Variants in ULBP2 observed in about 807,000 individuals in gnomAD.
ULBP2 encodes the protein UL16 binding protein 2.
A neutral mutation model predicts 23.6 loss-of-function variants in ULBP2; 21 were observed. The ratio of observed to expected loss-of-function variants is 0.89; its 90% CI spans 0.63 to 1.28. The LOEUF (loss-of-function observed/expected upper bound fraction) is 1.28. Ranked by LOEUF, ULBP2 falls within the 50% of genes most tolerant of loss-of-function variation. The pLI is 0.00. For synonymous variants in ULBP2, 82 were observed against 112.8 expected (o/e 0.73, Z 1.73); for missense variants, 251 against 306.0 (o/e 0.82, Z 1.34).
rs1278604323 is a variant in ULBP2 at position 149,949,183 on chromosome 6, G to A, written c.*483G>A. 6.4e-6 allele frequency: 1 copy of A among 155,934 alleles called. No individual in the cohort carries two copies. The highest frequency in any genetic ancestry group is 1.4e-5 in the Non-Finnish European group (1 of 70,726). 9.7% of individuals were successfully genotyped at this position (155,934 alleles called of 1,614,324 possible). A position where few individuals can be genotyped will look rare whatever the true frequency, so the allele number is the denominator to read the frequency against. On this transcript the variant is annotated 3_prime_UTR_variant, in exon 5 of 5. Transcript: ENST00000367351. ...TTTATATTAATGATTGTTTCCTTTAGTAATTTATTGTTCTGTACTGATATT... is the reference window on the plus strand; with the variant it reads ...TTTATATTAATGATTGTTTCCTTTAATAATTTATTGTTCTGTACTGATATT...
chr6:149,946,443 T>C lies in ULBP2; in HGVS notation c.421T>C (p.Phe141Leu). 2 of 1,614,122 alleles carry C rather than the reference T, an allele frequency of 1.2e-6. No homozygotes were observed. The highest frequency in any genetic ancestry group is 2.2e-5 in the South Asian group (2 of 91,076). ...AEGHSSGSWQFSFDGQIFLLF... is the reference protein window; with the variant it reads ...AEGHSSGSWQLSFDGQIFLLF... ...AGGACACAGCAGTGGATCTTGGCAG[T>C]TCAGTTTCGATGGGCAGATCTTCCT... Residue 141 changes from phenylalanine to leucine, a missense_variant, in exon 3 of 5, where the codon TTC becomes CTC. Transcript: ENST00000367351.
chr6:149,942,465 C>T (rs1217757738), intron 1 of ULBP2, among the ~76,000 whole-genome samples: 1 of 152,042 alleles, frequency 6.6e-6, no homozygotes, highest in Non-Finnish European at 1.5e-5. Context: ...CACCCGCCCT[C>T]GGGAAGGAAA....
chr6:149,943,493 G>T (rs888446922), intron 1 of ULBP2, among the ~76,000 whole-genome samples: 1 of 152,164 alleles, frequency 6.6e-6, no homozygotes, highest in Non-Finnish European at 1.5e-5. Flanking sequence ...TGGGGATCGG[G>T]TCCAACTGCT....
At chr6:149,947,960 G>C (rs1451389391) in intron 4 of ULBP2, among the ~76,000 whole-genome samples, 1 of 152,252 alleles carries the variant, frequency 6.6e-6, no homozygotes, top group Non-Finnish European at 1.5e-5. Flanking sequence ...TGAAAAGGAG[G>C]GAGTGCAGGG....
At chr6:149,942,493 C>T (rs1246996853) in intron 1 of ULBP2, among the ~76,000 whole-genome samples, 2 of 152,088 alleles carry the variant, frequency 1.3e-5, no homozygotes, top group Non-Finnish European at 2.9e-5. Flanking sequence ...GCCCCCGGAA[C>T]CGGAGCTGGG....
intron 2 of ULBP2, among the ~76,000 whole-genome samples, chr6:149,945,898 G>A (rs1778931265): frequency 7.2e-6 from 1 of 139,276 alleles, no homozygotes; most frequent in African/African-American, 2.9e-5. Flanking sequence ...CCGAGGTGGT[G>A]CCACTGCACT....
At chr6:149,945,940 CAA>C (rs57354290) in intron 2 of ULBP2, among the ~76,000 whole-genome samples, 4,368 of 70,696 alleles carry the variant, frequency 0.062, 67 homozygotes, top group East Asian at 0.32. Context: ...GACTTTGTCT[CAA>C]AAAAAAAAAA....
chr6:149,942,213 A>C (rs1315518722), intron 1 of ULBP2, 56 bp downstream of exon 1: 3 of 1,564,914 alleles, frequency 1.9e-6, no homozygotes, highest in Non-Finnish European at 2.6e-6. Flanking sequence ...AGGGCTGTGA[A>C]CTGCCGCGGG....
At chr6:149,945,109 TTCCTCC>T (rs1275730541) in intron 1 of ULBP2, among the ~76,000 whole-genome samples, 194 bp from the exon 2 acceptor site, 6 of 150,084 alleles carry the variant, frequency 4.0e-5, no homozygotes, top group Admixed American at 6.6e-5. Context: ...AGACAGAGAC[TTCCTCC>T]TCCTCCTCCT....
At chr6:149,946,783 G>A (rs938612994) in intron 3 of ULBP2, 130 bp downstream of exon 3, 646 of 1,486,876 alleles carry the variant, frequency 4.3e-4, no homozygotes, top group Non-Finnish European at 5.4e-4. Context: ...CTCGTGGGGC[G>A]CTCCTCCTGG....
In ULBP2 at chr6:149,946,648, C is replaced by T; in HGVS notation, c.626C>T (p.Ala209Val). 6.2e-7 allele frequency: 1 copy of T among 1,612,854 alleles called. No individual in the cohort carries two copies. Among genetic ancestry groups the T allele is most frequent in the South Asian group, 1.1e-5 (1 of 90,960 alleles). Reference sequence around the variant, plus strand: ...ATGGACAGCACCCTGGAGCCAAGTGCAGGAGGTAACAGGAGAAAAAGAAAC... The same window carrying T: ...ATGGACAGCACCCTGGAGCCAAGTGTAGGAGGTAACAGGAGAAAAAGAAAC... Reference protein sequence around the residue: ...MGMDSTLEPSAGAPLAMSSGT... With the variant: ...MGMDSTLEPSVGAPLAMSSGT... The change falls in exon 3 of 5, where the codon GCA becomes GTA. Residue 209 changes from alanine to valine, a missense_variant. By Grantham distance (64) the Ala-to-Val change is moderately conservative. Coordinates refer to ENST00000367351, the MANE Select transcript of ULBP2 (RefSeq NM_025217.4).
rs532853888 is a variant in ULBP2 at position 149,946,557 on chromosome 6, G to C, written c.535G>C (p.Ala179Pro). Residue 179 changes from alanine to proline, a missense_variant, in exon 3 of 5, where the codon GCC becomes CCC. Around this residue, in one of 2 missense-constraint regions of ULBP2, gnomAD observed 248 missense variants for 258.9 expected, o/e 0.96. Coordinates refer to ENST00000367351, the MANE Select transcript of ULBP2 (RefSeq NM_025217.4). ...KEKWENDKVV[A>P]MSFHYFSMGD... is the part of the protein sequence containing the mutation. ...AAAGTGGGAGAATGACAAGGTTGTG[G>C]CCATGTCCTTCCATTACTTCTCAAT... is the stretch of plus-strand genomic sequence containing the variant. 1 of 1,614,186 alleles carries C rather than the reference G, an allele frequency of 6.2e-7. No individual in the cohort carries two copies. The highest frequency in any genetic ancestry group is 8.5e-7 in the Non-Finnish European group (1 of 1,180,038).
chr6:149,948,276 G>A (rs1027469094), intron 4 of ULBP2, among the ~76,000 whole-genome samples: 4 of 152,170 alleles, frequency 2.6e-5, no homozygotes, highest in African/African-American at 7.2e-5. Context: ...CACCTTCAGA[G>A]CAATGGGTGC....
chr6:149,947,264 G>A (rs1003682778), intron 3 of ULBP2, 56 bp from the exon 4 acceptor site: 49 of 1,287,644 alleles, frequency 3.8e-5, no homozygotes, highest in Middle Eastern at 1.9e-4. Flanking sequence ...CTGAGGAGGT[G>A]TCTCCTCAGA....
chr6:149,946,768 ACCT>A, intron 3 of ULBP2, 115 bp downstream of exon 3: 2 of 1,532,916 alleles, frequency 1.3e-6, no homozygotes, highest in East Asian at 2.3e-5. Flanking sequence ...CGTTAAAATG[ACCT>A]CCTCGTGGGG....
rs372042752 is a variant in ULBP2 at position 149,945,586 on chromosome 6, G to A, written c.349+14G>A. On this transcript the variant is annotated intron_variant, in intron 2 of 4. Transcript: ENST00000367351. ...ACACACCCAAGGGTAAGTTTCAGAT[G>A]GCCCAGGACAGCAGGGAACAGATAC... 57 of 1,613,840 alleles carry A rather than the reference G, an allele frequency of 3.5e-5. No individual in the cohort carries two copies. The highest frequency in any genetic ancestry group is 6.7e-5 in the Admixed American group (4 of 60,002).
At chr6:149,947,154 C>G (rs979079916) in intron 3 of ULBP2, among the ~76,000 whole-genome samples, 166 bp from the exon 4 acceptor site, 2 of 151,968 alleles carry the variant, frequency 1.3e-5, no homozygotes, top group African/African-American at 4.8e-5. Context: ...AGACTCACCC[C>G]GTCTCCCTTC....
chr6:149,942,218 C>G (rs1360759746), intron 1 of ULBP2, 61 bp downstream of exon 1: 1 of 1,550,420 alleles, frequency 6.4e-7, no homozygotes, highest in East Asian at 2.3e-5. Context: ...TGTGAACTGC[C>G]GCGGGTTTCA....
At chr6:149,945,709 G>C (rs1296552856) in intron 2 of ULBP2, 137 bp downstream of exon 2, 6 of 1,520,322 alleles carry the variant, frequency 3.9e-6, no homozygotes, top group Non-Finnish European at 5.4e-6. Flanking sequence ...TTGTGAGGTA[G>C]AGGTGGGCCG....
Sources: gnomAD v4.1 joint callset for allele counts (sites outside exome capture counted in the v4.1 genomes callset) on GRCh38, gnomAD v4.1.1 for gene constraint, gnomAD v4.1.1 regional missense constraint, MANE v1.5 for transcripts, NCBI Gene and HGNC (gene_info 2026-07-23, HGNC 2026-07-21) for gene names.